FOXP4: variants seen among roughly 807,000 people sequenced by gnomAD.
FOXP4 encodes the protein forkhead box protein P4.
A neutral mutation model predicts 82.6 loss-of-function variants in FOXP4; 25 were observed. The ratio of observed to expected loss-of-function variants is 0.30; its 90% CI spans 0.22 to 0.42. FOXP4 has a LOEUF of 0.42. FOXP4 is among the 10% of genes least tolerant of loss of function. FOXP4 has a pLI of 1.00. For synonymous variants in FOXP4, 415 were observed against 388.2 expected (o/e 1.07, Z -0.81); for missense variants, 785 against 900.9 (o/e 0.87, Z 1.65).
At chr6:41,576,839 G>A (rs1765515350) in intron 2 of FOXP4, among the ~76,000 whole-genome samples, 2 of 152,166 alleles carry the variant, frequency 1.3e-5, no homozygotes, top group South Asian at 4.1e-4. Flanking sequence ...TCAGACCCAG[G>A]ACTGCCTAAG....
At chr6:41,553,153 T>A (rs4714480) in intron 1 of FOXP4, among the ~76,000 whole-genome samples, 2 of 151,916 alleles carry the variant, frequency 1.3e-5, no homozygotes, top group Non-Finnish European at 2.9e-5. Flanking sequence ...GAGGACACTA[T>A]GACCCATGCA....
At position 41,562,692 on chromosome 6, in the gene FOXP4, C is replaced by G. The variant is rs576529564; in HGVS notation, c.-16-3053C>G. The stretch of plus-strand genomic sequence containing the variant: ...TTTGCATGCATACACCCCTGAGGCT[C>G]TGGTCTTTGTCCCTTGGGGCCCAGG... On this transcript the variant is annotated intron_variant, in intron 1 of 16. Transcript: ENST00000307972. 1.3e-4 allele frequency among the ~76,000 whole-genome samples: 20 copies of G among 152,324 alleles called. 1 individual carries two copies. The highest frequency in any genetic ancestry group is 2.0e-4 in the Admixed American group (3 of 15,300).
rs1298615246 is a variant in FOXP4, at chr6:41,546,712, G to C, written c.-172G>C. The stretch of plus-strand genomic sequence containing the variant: ...GTTGAGGCGCGCGGCGGTCGGCCCG[G>C]CGCGCTGGGAGGACGCCCGGGAGCT... On this transcript the variant is annotated 5_prime_UTR_variant, in exon 1 of 17. Coordinates refer to ENST00000307972, the MANE Select transcript of FOXP4 (RefSeq NM_001012426.2). 1 of 146,860 alleles carries C rather than the reference G, an allele frequency of 6.8e-6. No homozygotes were observed. The highest frequency in any genetic ancestry group is 1.5e-5 in the Non-Finnish European group (1 of 66,002). The allele number at this position is 146,860 out of a possible 1,614,324, so 9.1% of individuals were successfully genotyped here.
At chr6:41,598,323 T>C (rs1016059496) in intron 16 of FOXP4, among the ~76,000 whole-genome samples, 7 of 151,422 alleles carry the variant, frequency 4.6e-5, no homozygotes, top group African/African-American at 1.7e-4. Context: ...TTCAAGTGAT[T>C]CTCCTGCCTC....
At chr6:41,580,648 A>T (rs985353373) in intron 3 of FOXP4, among the ~76,000 whole-genome samples, 7 of 152,260 alleles carry the variant, frequency 4.6e-5, no homozygotes, top group African/African-American at 1.7e-4. Flanking sequence ...AGGAGGTCAG[A>T]TCCTTGTCCT....
chr6:41,548,692 T>A (rs1196434624), intron 1 of FOXP4: 2 of 152,198 alleles, frequency 1.3e-5, no homozygotes, highest in African/African-American at 4.8e-5. Context: ...CCCCTCCCCC[T>A]GCTGCGAACC....
chr6:41,576,091 G>T (rs1464373989), intron 2 of FOXP4, among the ~76,000 whole-genome samples: 1 of 141,988 alleles, frequency 7.0e-6, no homozygotes, highest in East Asian at 2.3e-4. Flanking sequence ...AGAGCCTTTT[G>T]ACTTAGAAAG....
rs1766658388 is a variant in FOXP4 at position 41,593,842 on chromosome 6, G to C, written c.1537-1028G>C. Reference sequence around the variant, plus strand: ...GGAGAGAGGGAGAGGGATCTCCAGGGGCACGGGCTGCCTGCCCTACCCGCT... The same window carrying C: ...GGAGAGAGGGAGAGGGATCTCCAGGCGCACGGGCTGCCTGCCCTACCCGCT... On this transcript the variant is annotated intron_variant, in intron 13 of 16. Coordinates refer to ENST00000307972, the MANE Select transcript of FOXP4 (RefSeq NM_001012426.2). This position sits in a 1 kb window ranked among gnomAD's most constrained non-coding sequence, Gnocchi z 4.1. Among the ~76,000 whole-genome samples the C allele has an allele frequency of 6.6e-6, 1 of 152,222 alleles. No homozygotes were observed. The highest frequency in any genetic ancestry group is 1.5e-5 in the Non-Finnish European group (1 of 68,038).
chr6:41,591,148 G>C lies in FOXP4; in HGVS notation c.1435-73G>C, dbSNP rs114499593. 7 of 1,246,906 alleles carry C rather than the reference G, an allele frequency of 5.6e-6. No homozygotes were observed. The highest frequency in any genetic ancestry group is 2.6e-5 in the South Asian group (2 of 78,142). The allele number at this position is 1,246,906 out of a possible 1,614,324, so 77.2% of individuals were successfully genotyped here. A position where few individuals can be genotyped will look rare whatever the true frequency, so the allele number is the denominator to read the frequency against. Reference sequence around the variant, plus strand: ...GGGCTAGGCAGAAGGGAGAGGTACTGGGGGAGGGAACCCAGGGCTGTGACC... The same window carrying C: ...GGGCTAGGCAGAAGGGAGAGGTACTCGGGGAGGGAACCCAGGGCTGTGACC... On this transcript the variant is annotated intron_variant, in intron 12 of 16. Transcript: ENST00000307972. This position sits in a 1 kb window ranked among gnomAD's most constrained non-coding sequence, Gnocchi z 4.2.
intron 1 of FOXP4, among the ~76,000 whole-genome samples, chr6:41,562,820 CT>C (rs1358951326): frequency 7.2e-5 from 11 of 152,186 alleles, no homozygotes; most frequent in Non-Finnish European, 1.3e-4. Context: ...TCCCTCCTGT[CT>C]CCCCATCCCC....
intron 7 of FOXP4, 73 bp downstream of exon 7, chr6:41,587,585 C>A: frequency 7.8e-7 from 1 of 1,283,982 alleles, no homozygotes; most frequent in Non-Finnish European, 1.1e-6. Flanking sequence ...CCCATGAGGG[C>A]TGACTGTGAG....
chr6:41,566,833 T>C (rs1020960118), intron 2 of FOXP4, among the ~76,000 whole-genome samples: 2 of 152,118 alleles, frequency 1.3e-5, no homozygotes, highest in African/African-American at 2.4e-5. Flanking sequence ...GCTAGGAACA[T>C]GGAGAAGCAG....
intron 14 of FOXP4, among the ~76,000 whole-genome samples, chr6:41,595,633 G>T (rs1454742305): frequency 6.6e-6 from 1 of 151,688 alleles, no homozygotes; most frequent in Admixed American, 6.6e-5. Context: ...AAGGAGTTTT[G>T]TTCTTGTTGC....
chr6:41,594,513 C>T (rs765659826), intron 13 of FOXP4, among the ~76,000 whole-genome samples: 4 of 152,306 alleles, frequency 2.6e-5, no homozygotes, highest in Non-Finnish European at 4.4e-5. Context: ...TGATCCAAAG[C>T]CCTGAGTAAC....
At chr6:41,549,041 A>T (rs1215742792) in intron 1 of FOXP4, among the ~76,000 whole-genome samples, 1 of 151,938 alleles carries the variant, frequency 6.6e-6, no homozygotes, top group Non-Finnish European at 1.5e-5. Context: ...CAAGGGGAAG[A>T]GGTGGTTTTG....
At chr6:41,568,934 C>T (rs1480756223) in intron 2 of FOXP4, among the ~76,000 whole-genome samples, 14 of 152,202 alleles carry the variant, frequency 9.2e-5, no homozygotes, top group Admixed American at 3.9e-4. Flanking sequence ...TTCCATGCAA[C>T]GAGCAGGCTG....
chr6:41,586,141 G>C (rs537038036), intron 5 of FOXP4, among the ~76,000 whole-genome samples: 2 of 152,192 alleles, frequency 1.3e-5, no homozygotes, highest in South Asian at 2.1e-4. Context: ...TTCCCAGAAG[G>C]CTGCCCTGAC....
intron 5 of FOXP4, 74 bp downstream of exon 5, chr6:41,585,591 G>A (rs1373702328): frequency 1.4e-6 from 2 of 1,381,092 alleles, no homozygotes; most frequent in African/African-American, 1.5e-5. Context: ...CTGGTCAGGA[G>A]GGAATTGCCT....
chr6:41,553,858 A>G (rs957635576), intron 1 of FOXP4, among the ~76,000 whole-genome samples: 1 of 152,192 alleles, frequency 6.6e-6, no homozygotes, highest in African/African-American at 2.4e-5. Flanking sequence ...GGTGTGTGGT[A>G]CCTCCAAGCC....
Sources: allele counts gnomAD v4.1 joint callset (sites outside exome capture counted in the v4.1 genomes callset), GRCh38; gene constraint gnomAD v4.1.1; non-coding constraint Gnocchi (gnomAD v3.1); transcripts MANE v1.5; gene names NCBI Gene and HGNC (gene_info 2026-07-23, HGNC 2026-07-21).